Variants in BBOF1 observed in about 807,000 individuals in gnomAD.
BBOF1 encodes the protein basal body orientation factor 1.
A neutral mutation model predicts 68.0 loss-of-function variants in BBOF1; 62 were observed. That is an observed-to-expected ratio of 0.91 (90% CI 0.74 to 1.13). The LOEUF (loss-of-function observed/expected upper bound fraction) is 1.13. BBOF1 is among the 50% of genes most tolerant of loss of function. The probability of loss-of-function intolerance (pLI) is 0.00; values close to 1 mark genes in which losing one functional copy is unlikely to be tolerated. For missense variants in BBOF1, 534 were observed against 600.1 expected (o/e 0.89, Z 1.15); for synonymous variants, 208 against 198.8 (o/e 1.05, Z -0.39).
chr14:74,037,224 C>T (rs554329478), intron 4 of BBOF1, among the ~76,000 whole-genome samples: 79 of 148,166 alleles, frequency 5.3e-4, no homozygotes, highest in African/African-American at 1.9e-3. Flanking sequence ...CTGCCCACCT[C>T]GGCCTCCCAA....
chr14:74,066,952 A>T (rs533960518), downstream of BBOF1: 4 of 1,485,710 alleles, frequency 2.7e-6, no homozygotes, highest in Non-Finnish European at 3.7e-6. Flanking sequence ...GCCAGGGCTC[A>T]TGCCTGTAAT....
intron 9 of BBOF1, among the ~76,000 whole-genome samples, chr14:74,056,322 C>G (rs144361907): frequency 0.018 from 2,718 of 151,590 alleles, 29 homozygotes; most frequent in Non-Finnish European, 0.029. Context: ...GCTTCAGCCT[C>G]CCGAGTAGCT....
At chr14:74,069,032 AC>A (rs757241389), downstream of BBOF1, 12 of 1,601,498 alleles carry the variant, frequency 7.5e-6, no homozygotes, top group Non-Finnish European at 1.0e-5. Flanking sequence ...TGGATTCTCA[AC>A]ATGGCAAATT....
chr14:74,043,614 G>C (rs1488010690), intron 5 of BBOF1, among the ~76,000 whole-genome samples: 1 of 149,690 alleles, frequency 6.7e-6, no homozygotes, highest in Non-Finnish European at 1.5e-5. Flanking sequence ...ACCTAGGTTG[G>C]AGTGCAGTGG....
chr14:74,023,220 AT>A, intron 2 of BBOF1, 76 bp downstream of exon 2: 1 of 815,612 alleles, frequency 1.2e-6, no homozygotes, highest in Non-Finnish European at 1.9e-6. Context: ...TATTTCAAAG[AT>A]TTTTAATTCC....
At chr14:74,068,624 T>A (rs531391076), downstream of BBOF1, among the ~76,000 whole-genome samples, 1 of 151,912 alleles carries the variant, frequency 6.6e-6, no homozygotes, top group African/African-American at 2.4e-5. Context: ...GTGCTTGTAT[T>A]CCCAGCTACT....
At chr14:74,060,964 T>C (rs763334318) in intron 11 of BBOF1, among the ~76,000 whole-genome samples, 7 of 152,016 alleles carry the variant, frequency 4.6e-5, no homozygotes, top group Non-Finnish European at 1.0e-4. Flanking sequence ...ATCATTATTA[T>C]GCTGAAACTA....
intron 4 of BBOF1, 64 bp downstream of exon 4, chr14:74,034,235 C>A: frequency 9.0e-7 from 1 of 1,116,840 alleles, no homozygotes; most frequent in South Asian, 2.2e-5. Context: ...CTACAGAAGC[C>A]TTCACAAACA....
At chr14:74,028,475 C>CACAG (rs2059485979) in intron 2 of BBOF1, among the ~76,000 whole-genome samples, 1 of 96,526 alleles carries the variant, frequency 1.0e-5, no homozygotes, top group African/African-American at 4.3e-5. Context: ...AATACACACA[C>CACAG]ACACACACAC....
chr14:74,038,178 T>C (rs1316374214), intron 4 of BBOF1, among the ~76,000 whole-genome samples: 3 of 152,214 alleles, frequency 2.0e-5, no homozygotes, highest in Non-Finnish European at 4.4e-5. Flanking sequence ...ACAAGATACA[T>C]AGTAATGTTG....
intron 4 of BBOF1, among the ~76,000 whole-genome samples, chr14:74,040,098 C>T (rs1201427699): frequency 2.0e-5 from 3 of 152,050 alleles, no homozygotes; most frequent in Non-Finnish European, 4.4e-5. Context: ...AGTGATCCTC[C>T]CACCTCAGCC....
intron 10 of BBOF1, among the ~76,000 whole-genome samples, chr14:74,080,561 C>T (rs1477604976): frequency 6.6e-6 from 1 of 151,990 alleles, no homozygotes; most frequent in East Asian, 1.9e-4. Flanking sequence ...CCTCAGTCTC[C>T]CAAGTACCTA....
downstream of BBOF1, chr14:74,069,318 G>A (rs1286469275): frequency 1.5e-5 from 5 of 333,308 alleles, no homozygotes; most frequent in East Asian, 1.6e-4. Context: ...TGGCCAGGCT[G>A]GTCTTGAACT....
At chr14:74,039,067 A>T (rs1248969093) in intron 4 of BBOF1, among the ~76,000 whole-genome samples, 1 of 152,194 alleles carries the variant, frequency 6.6e-6, no homozygotes, top group Non-Finnish European at 1.5e-5. Flanking sequence ...AGCTTGGCTG[A>T]TAAAATTAGA....
intron 10 of BBOF1, among the ~76,000 whole-genome samples, chr14:74,080,568 C>T (rs766889834): frequency 6.6e-6 from 1 of 151,926 alleles, no homozygotes; most frequent in Non-Finnish European, 1.5e-5. Flanking sequence ...CTCCCAAGTA[C>T]CTAGGAGTAC....
intron 11 of BBOF1, chr14:74,057,480 G>C: frequency 3.5e-6 from 5 of 1,429,026 alleles, no homozygotes; most frequent in Non-Finnish European, 4.6e-6. Flanking sequence ...TTTTTGTGTA[G>C]AAACCTATAG....
intron 9 of BBOF1, among the ~76,000 whole-genome samples, chr14:74,077,475 C>T (rs72627152): frequency 0.17 from 25,306 of 152,058 alleles, 2,614 homozygotes; most frequent in East Asian, 0.57. Flanking sequence ...TAGCTTCTGG[C>T]GAGGGCTTCT....
At chr14:74,048,223 TTAAA>T in intron 7 of BBOF1, 149 bp downstream of exon 7, 1 of 653,330 alleles carries the variant, frequency 1.5e-6, no homozygotes, top group Non-Finnish European at 2.5e-6. Context: ...TCTGAAAAGG[TTAAA>T]TACTCAATCT....
At chr14:74,066,612 A>G, downstream of BBOF1, 1 of 1,252,436 alleles carries the variant, frequency 8.0e-7, no homozygotes, top group Non-Finnish European at 1.2e-6. Context: ...GGTCTTAGTC[A>G]TTAAGTATTT....
Sources: allele counts gnomAD v4.1 joint callset (sites outside exome capture counted in the v4.1 genomes callset), GRCh38; gene constraint gnomAD v4.1.1; transcripts MANE v1.5; gene names NCBI Gene and HGNC (gene_info 2026-07-23, HGNC 2026-07-21).